The following TUSC3 variants were observed in gnomAD, a reference collection of about 807,000 sequenced individuals.
The protein encoded by TUSC3 is dolichyl-diphosphooligosaccharide--protein glycosyltransferase subunit TUSC3.
A neutral mutation model predicts 44.8 loss-of-function variants in TUSC3; 45 were observed. The observed-to-expected ratio is 1.00, with a 90% CI of 0.79 to 1.29. TUSC3 has a LOEUF of 1.29. Ranked by LOEUF, TUSC3 falls within the 50% of genes most tolerant of loss-of-function variation. The probability of loss-of-function intolerance (pLI) is 0.00; values close to 1 mark genes in which losing one functional copy is unlikely to be tolerated. For synonymous variants in TUSC3, 212 were observed against 152.9 expected (o/e 1.39, Z -2.85); for missense variants, 519 against 437.9 (o/e 1.19, Z -1.65).
chr8:15,498,393 T>C (rs1563266801), intron 2 of TUSC3, among the ~76,000 whole-genome samples: 3 of 152,006 alleles, frequency 2.0e-5, no homozygotes, highest in African/African-American at 7.3e-5. Context: ...GAGATGTGAA[T>C]AGAAGAATAG....
the TUSC3 span, among the ~76,000 whole-genome samples, chr8:15,804,890 A>T: frequency 1.3e-5 from 2 of 152,082 alleles, no homozygotes; most frequent in African/African-American, 4.8e-5. Context: ...GTTTGATAGG[A>T]ATGGCACTGA....
intron 1 of TUSC3, among the ~76,000 whole-genome samples, chr8:15,611,204 T>A (rs1804746126): frequency 1.3e-5 from 2 of 152,206 alleles, no homozygotes; most frequent in Admixed American, 1.3e-4. Context: ...GTTGTTTTTT[T>A]GAGACAGAGT....
intron 1 of TUSC3, among the ~76,000 whole-genome samples, chr8:15,468,068 A>C (rs1800437444): frequency 6.6e-6 from 1 of 152,236 alleles, no homozygotes; most frequent in Non-Finnish European, 1.5e-5. Context: ...AATGAGTATC[A>C]GGTACATCTT....
chr8:15,812,572 A>G, the TUSC3 span, among the ~76,000 whole-genome samples: 1 of 152,300 alleles, frequency 6.6e-6, no homozygotes, highest in Admixed American at 6.5e-5. Context: ...GAGCAAATAC[A>G]TATACTCCTG....
chr8:15,797,457 TG>T, the TUSC3 span, among the ~76,000 whole-genome samples: 1 of 152,184 alleles, frequency 6.6e-6, no homozygotes, highest in African/African-American at 2.4e-5. Context: ...AAACTTTACT[TG>T]GCAAGCAGTT....
At chr8:15,678,528 T>G (rs1322111130) in intron 6 of TUSC3, among the ~76,000 whole-genome samples, 1 of 152,200 alleles carries the variant, frequency 6.6e-6, no homozygotes. Flanking sequence ...TAGTTTTATT[T>G]TTAAGCCAAT....
At chr8:15,732,336 T>G (rs1050591449) in intron 7 of TUSC3, among the ~76,000 whole-genome samples, 1 of 152,140 alleles carries the variant, frequency 6.6e-6, no homozygotes, top group Non-Finnish European at 1.5e-5. Context: ...TGAGTAAGTC[T>G]CATGAGATCT....
At chr8:15,581,680 G>T (rs1187511938) in intron 1 of TUSC3, among the ~76,000 whole-genome samples, 1 of 148,202 alleles carries the variant, frequency 6.7e-6, no homozygotes, top group South Asian at 2.1e-4. Context: ...CCCGTTCTCA[G>T]ATCTCCAGCT....
Position 15,666,225 on chromosome 8 carries a change from G to T in TUSC3, c.708+3929G>T, listed in dbSNP as rs760193407. ...ATTTCAAGCCAGAAAATATTAGTAGGATAAGCAATAACATTCATTTCAAAT... is the reference window on the plus strand; with the variant it reads ...ATTTCAAGCCAGAAAATATTAGTAGTATAAGCAATAACATTCATTTCAAAT... On this transcript the variant is annotated intron_variant, in intron 5 of 10. Transcript: ENST00000503731. 9.2e-4 allele frequency among the ~76,000 whole-genome samples: 140 copies of T among 151,456 alleles called. 1 individual carries two copies. Among genetic ancestry groups the T allele is most frequent in the Middle Eastern group, 6.8e-3 (2 of 294 alleles).
intron 1 of TUSC3, among the ~76,000 whole-genome samples, chr8:15,444,636 C>T (rs932012748): frequency 3.3e-5 from 5 of 152,078 alleles, no homozygotes; most frequent in Admixed American, 1.3e-4. Context: ...ACAGAAGCCC[C>T]AAATCAGAGC....
chr8:15,521,038 T>C (rs767120976), intron 2 of TUSC3, among the ~76,000 whole-genome samples: 1 of 152,178 alleles, frequency 6.6e-6, no homozygotes, highest in Non-Finnish European at 1.5e-5. Context: ...GGACCAAACA[T>C]TGAGTCCAGC....
the TUSC3 span, among the ~76,000 whole-genome samples, chr8:15,800,505 T>C: frequency 6.6e-6 from 1 of 151,698 alleles, no homozygotes; most frequent in African/African-American, 2.4e-5. Context: ...CCTGGGCTGC[T>C]GAGGCTGCAG....
intron 2 of TUSC3, among the ~76,000 whole-genome samples, chr8:15,515,105 T>C (rs1801200022): frequency 6.6e-6 from 1 of 152,182 alleles, no homozygotes; most frequent in Admixed American, 6.5e-5. Context: ...GACCACACTG[T>C]CTTGATTTTG....
intron 1 of TUSC3, among the ~76,000 whole-genome samples, chr8:15,476,292 A>G (rs1349144401): frequency 6.6e-6 from 1 of 152,188 alleles, no homozygotes; most frequent in Non-Finnish European, 1.5e-5. Flanking sequence ...CCCAGTATGT[A>G]TGTCTTTTTT....
At chr8:15,530,679 C>A (rs565005343) in intron 2 of TUSC3, among the ~76,000 whole-genome samples, 1 of 152,056 alleles carries the variant, frequency 6.6e-6, no homozygotes, top group Non-Finnish European at 1.5e-5. Flanking sequence ...TTCACCAGGA[C>A]GGAAACAAAC....
the TUSC3 span, among the ~76,000 whole-genome samples, chr8:15,809,185 G>C: frequency 1.3e-5 from 2 of 152,120 alleles, no homozygotes; most frequent in African/African-American, 4.8e-5. Flanking sequence ...CAGGGCAAGA[G>C]GTAACTGATG....
chr8:15,768,170 T>C (rs1812379923), downstream of TUSC3, among the ~76,000 whole-genome samples: 1 of 152,138 alleles, frequency 6.6e-6, no homozygotes. Flanking sequence ...TTTTTTTTCT[T>C]TTGTCTCCAG....
At chr8:15,490,894 C>T (rs2129125781) in intron 2 of TUSC3, among the ~76,000 whole-genome samples, 1 of 152,210 alleles carries the variant, frequency 6.6e-6, no homozygotes, top group East Asian at 1.9e-4. Flanking sequence ...AGGTTAAGGA[C>T]ACACCTAGGA....
intron 6 of TUSC3, among the ~76,000 whole-genome samples, chr8:15,679,948 C>G (rs1334335834): frequency 6.6e-6 from 1 of 152,082 alleles, no homozygotes; most frequent in Non-Finnish European, 1.5e-5. Flanking sequence ...GTCTGCATGT[C>G]TATTTTTGTA....
Sources: allele counts gnomAD v4.1 joint callset (sites outside exome capture counted in the v4.1 genomes callset), GRCh38; gene constraint gnomAD v4.1.1; transcripts MANE v1.5; gene names NCBI Gene and HGNC (gene_info 2026-07-23, HGNC 2026-07-21).